Variants in SNX25 observed in about 807,000 individuals in gnomAD.
SNX25 encodes the protein sorting nexin-25.
A neutral mutation model predicts 113.7 loss-of-function variants in SNX25; 62 were observed. The ratio of observed to expected loss-of-function variants is 0.55; its 90% CI spans 0.44 to 0.67. SNX25 has a LOEUF of 0.67. Ranked by LOEUF, SNX25 falls within the 30% of genes least tolerant of loss-of-function variation. The pLI is 0.00. For missense variants in SNX25, 1,014 were observed against 1,161.0 expected (o/e 0.87, Z 1.84); for synonymous variants, 421 against 436.2 (o/e 0.97, Z 0.43).
At chr4:185,283,483 A>G (rs1464936599) in intron 5 of SNX25, among the ~76,000 whole-genome samples, 2 of 152,224 alleles carry the variant, frequency 1.3e-5, no homozygotes, top group Admixed American at 6.5e-5. Context: ...GGTATCACGT[A>G]TGGTCTGGTT....
At chr4:185,281,687 A>G (rs1750581588) in intron 5 of SNX25, among the ~76,000 whole-genome samples, 1 of 152,180 alleles carries the variant, frequency 6.6e-6, no homozygotes, top group Non-Finnish European at 1.5e-5. Context: ...TAACAAAAAC[A>G]TTCCTAGCCT....
At chr4:185,378,415 G>A in the SNX25 span, 1 of 1,349,208 alleles carries the variant, frequency 7.4e-7, no homozygotes, top group Admixed American at 3.3e-5. Flanking sequence ...CATTCTCCAT[G>A]TCATTTTCCA....
At chr4:185,364,645 A>AT (rs2095380192), downstream of SNX25, 1 of 152,014 alleles carries the variant, frequency 6.6e-6, no homozygotes, top group African/African-American at 2.4e-5. Context: ...TATCCTTAAG[A>AT]TTTTTTTAGT....
chr4:185,218,378 C>G (rs758336476), intron 1 of SNX25, among the ~76,000 whole-genome samples: 1 of 152,258 alleles, frequency 6.6e-6, no homozygotes, highest in African/African-American at 2.4e-5. Flanking sequence ...AGCCACCACT[C>G]CTGGCCTGCT....
intron 16 of SNX25, among the ~76,000 whole-genome samples, chr4:185,359,552 G>C (rs971988821): frequency 6.6e-6 from 1 of 152,058 alleles, no homozygotes; most frequent in African/African-American, 2.4e-5. Context: ...CCAGCACTTT[G>C]GGAGGCCGGA....
At chr4:185,314,635 G>A (rs1374411303) in intron 7 of SNX25, among the ~76,000 whole-genome samples, 3 of 151,794 alleles carry the variant, frequency 2.0e-5, no homozygotes, top group Non-Finnish European at 4.4e-5. Flanking sequence ...TGAGGCAGGC[G>A]GATCACGAGG....
chr4:185,312,262 C>G (rs2095036843), intron 7 of SNX25, among the ~76,000 whole-genome samples: 1 of 152,112 alleles, frequency 6.6e-6, no homozygotes. Context: ...TCCCTGCTCT[C>G]AAAGAGTCCC....
chr4:185,244,860 C>T (rs1229530318), intron 1 of SNX25, among the ~76,000 whole-genome samples: 3 of 151,906 alleles, frequency 2.0e-5, no homozygotes, highest in Non-Finnish European at 4.4e-5. Flanking sequence ...CACCAGGAGA[C>T]TTTTGTTTGT....
chr4:185,350,449 CTG>C (rs971347156), intron 13 of SNX25, among the ~76,000 whole-genome samples: 10 of 152,166 alleles, frequency 6.6e-5, no homozygotes, highest in Non-Finnish European at 1.3e-4. Context: ...GTTAATTCTG[CTG>C]TCTTACCATA....
intron 11 of SNX25, among the ~76,000 whole-genome samples, chr4:185,340,842 T>C (rs1409213923): frequency 6.6e-6 from 1 of 151,964 alleles, no homozygotes; most frequent in East Asian, 1.9e-4. Flanking sequence ...ATAGTGGAAA[T>C]GGGAAAGGGG....
chr4:185,305,399 C>G (rs1754318346), intron 6 of SNX25, among the ~76,000 whole-genome samples: 1 of 152,184 alleles, frequency 6.6e-6, no homozygotes, highest in Non-Finnish European at 1.5e-5. Context: ...AAATATTCTA[C>G]TGTTGGTGTT....
At chr4:185,323,063 A>G (rs1003173879) in intron 8 of SNX25, among the ~76,000 whole-genome samples, 4 of 152,188 alleles carry the variant, frequency 2.6e-5, no homozygotes, top group Non-Finnish European at 5.9e-5. Flanking sequence ...ACTAGGACAT[A>G]ATCATTCTGA....
In SNX25 at chr4:185,210,226, G is replaced by C; in HGVS notation, c.400G>C (p.Ala134Pro). 1 of 984,842 alleles carries C rather than the reference G, an allele frequency of 1.0e-6. No individual in the cohort carries two copies. The highest frequency in any genetic ancestry group is 1.2e-6 in the Non-Finnish European group (1 of 830,026). 61.0% of individuals were successfully genotyped at this position (984,842 alleles called of 1,614,324 possible). The change falls in exon 1 of 19, where the codon GCG becomes CCG. Residue 134 changes from alanine to proline, a missense_variant. Physicochemically the swap from Ala to Pro is conservative, Grantham distance 27 (BLOSUM62 -1). Coordinates refer to ENST00000652585, the MANE Select transcript of SNX25 (RefSeq NM_001378034.2). The surrounding 1 kb of genome is among the most constrained non-coding windows in gnomAD (Gnocchi z 4.4). ...DFAAAWSRLA[A>P]TSAARRPPGS... ...CGCCGCCGCCTGGAGCCGGCTGGCC[G>C]CGACCTCAGCCGCCCGCCGCCCGCC...
chr4:185,235,744 TA>T (rs1345195072), intron 1 of SNX25, among the ~76,000 whole-genome samples: 6 of 151,888 alleles, frequency 4.0e-5, no homozygotes, highest in Non-Finnish European at 7.4e-5. Context: ...AAAATAAAAA[TA>T]AAAAATTAGC....
chr4:185,310,164 C>A (rs935594743), intron 6 of SNX25, among the ~76,000 whole-genome samples: 2 of 152,118 alleles, frequency 1.3e-5, no homozygotes, highest in African/African-American at 4.8e-5. Flanking sequence ...CTTTATAGCC[C>A]GTGTTATAGG....
chr4:185,371,798 C>T (rs1426532472), downstream of SNX25, among the ~76,000 whole-genome samples: 3 of 152,226 alleles, frequency 2.0e-5, no homozygotes, highest in South Asian at 2.1e-4. Flanking sequence ...GCCTGGAGCC[C>T]GAGACGCTGG....
chr4:185,225,517 A>C (rs1171860118), intron 1 of SNX25, among the ~76,000 whole-genome samples: 2 of 152,136 alleles, frequency 1.3e-5, no homozygotes, highest in African/African-American at 4.8e-5. Context: ...ATATGTTGGC[A>C]TTGTTAATGG....
At chr4:185,255,036 C>A (rs186089634) in intron 2 of SNX25, among the ~76,000 whole-genome samples, 58 of 151,674 alleles carry the variant, frequency 3.8e-4, no homozygotes, top group African/African-American at 1.4e-3. Context: ...TAAGTTGACC[C>A]GTAGGGTATG....
intron 1 of SNX25, among the ~76,000 whole-genome samples, chr4:185,221,759 G>T (rs1309259255): frequency 6.7e-6 from 1 of 148,308 alleles, no homozygotes; most frequent in Non-Finnish European, 1.5e-5. Context: ...ATAGTGCCGG[G>T]CTTTTTCTGT....
Sources: gnomAD v4.1 joint callset for allele counts (sites outside exome capture counted in the v4.1 genomes callset) on GRCh38, gnomAD v4.1.1 for gene constraint, Gnocchi (gnomAD v3.1) non-coding constraint, MANE v1.5 for transcripts, NCBI Gene and HGNC (gene_info 2026-07-23, HGNC 2026-07-21) for gene names.